Variants in NRXN3 observed in about 807,000 individuals in gnomAD.
NRXN3 encodes the protein neurexin III.
NRXN3 carries 32 observed loss-of-function variants against 137.6 expected under a neutral mutation model. That is an observed-to-expected ratio of 0.23 (90% CI 0.18 to 0.31). NRXN3 has a LOEUF of 0.31. NRXN3 is among the 10% of genes least tolerant of loss of function. The pLI, the probability that NRXN3 is intolerant of heterozygous loss-of-function variation, is 1.00. For missense variants in NRXN3, 1,574 were observed against 2,062.5 expected (o/e 0.76, Z 4.59); for synonymous variants, 798 against 784.5 (o/e 1.02, Z -0.29).
chr14:78,533,154 C>T (rs1265495397), intron 4 of NRXN3, among the ~76,000 whole-genome samples: 3 of 138,092 alleles, frequency 2.2e-5, no homozygotes, highest in South Asian at 4.7e-4. Context: ...GGGTGGAGTG[C>T]AGTGGTGCGA....
chr14:79,783,614 GGA>G (rs2099120632), intron 19 of NRXN3, among the ~76,000 whole-genome samples: 1 of 152,066 alleles, frequency 6.6e-6, no homozygotes, highest in Admixed American at 6.6e-5. Flanking sequence ...CCTTTCGTCT[GGA>G]TGCCACTCAC....
chr14:79,753,091 G>C (rs2099004399), intron 19 of NRXN3, among the ~76,000 whole-genome samples: 1 of 151,284 alleles, frequency 6.6e-6, no homozygotes, highest in Non-Finnish European at 1.5e-5. Flanking sequence ...AGAGGATGTG[G>C]AGAAATAGGA....
In NRXN3 at chr14:78,958,349, T is replaced by TTTTC. The variant is rs1479047444; in HGVS notation, c.2395+1000_2395+1003dup. On this transcript the variant is annotated intron_variant, in intron 11 of 20. Transcript: ENST00000335750. ...TGCCATTTTACATGCTATATCTTTT[T>TTTTC]TTTCTTTCTTTCTTTTTTTTTTTTT... is the stretch of plus-strand genomic sequence containing the variant. 5.3e-5 allele frequency among the ~76,000 whole-genome samples: 8 copies of TTTTC among 151,060 alleles called. No homozygotes were observed. In the East Asian group the frequency reaches 5.8e-4, roughly 11 times the overall value.
In NRXN3 at chr14:79,702,507, T is replaced by TG. The variant is rs1326976588; in HGVS notation, c.4014+4572dup. 9.9e-5 allele frequency among the ~76,000 whole-genome samples: 15 copies of TG among 152,088 alleles called. No homozygotes were observed. In the South Asian group the frequency reaches 3.1e-3, roughly 32 times the overall value. On this transcript the variant is annotated intron_variant, in intron 19 of 20. Coordinates refer to ENST00000335750, the MANE Select transcript of NRXN3 (RefSeq NM_001330195.2). ...ACAGGTGGTGAGAGGAACATATTCC[T>TG]GGTTGGTCAAATGTCAGCCAGAAGC... is the stretch of plus-strand genomic sequence containing the variant.
At chr14:79,691,537 A>G (rs1277605497) in intron 17 of NRXN3, among the ~76,000 whole-genome samples, 1 of 152,078 alleles carries the variant, frequency 6.6e-6, no homozygotes, top group Non-Finnish European at 1.5e-5. Flanking sequence ...CTGGAAAGAT[A>G]GTGATATAAA....
chr14:78,897,737 C>T (rs549000742), intron 10 of NRXN3, among the ~76,000 whole-genome samples: 11 of 152,062 alleles, frequency 7.2e-5, no homozygotes, highest in African/African-American at 2.4e-4. Context: ...TCCTTTCTTG[C>T]ACCTATAAAT....
At chr14:78,965,597 C>T (rs548895498) in intron 11 of NRXN3, among the ~76,000 whole-genome samples, 6 of 152,246 alleles carry the variant, frequency 3.9e-5, no homozygotes, top group South Asian at 2.1e-4. Context: ...ATCCTTCCCA[C>T]GAGTACTAAG....
At chr14:78,710,283 T>C (rs1196932611) in intron 7 of NRXN3, among the ~76,000 whole-genome samples, 1 of 151,974 alleles carries the variant, frequency 6.6e-6, no homozygotes, top group Admixed American at 6.6e-5. Context: ...CCTTTTACAT[T>C]TTGTTTAAAT....
At chr14:79,442,921 T>A (rs560565319) in intron 15 of NRXN3, among the ~76,000 whole-genome samples, 1 of 152,280 alleles carries the variant, frequency 6.6e-6, no homozygotes, top group Non-Finnish European at 1.5e-5. Flanking sequence ...CCCAGTGAAG[T>A]TTAGTGTTTA....
chr14:79,704,127 T>C (rs1465573216), intron 19 of NRXN3, among the ~76,000 whole-genome samples: 1 of 152,176 alleles, frequency 6.6e-6, no homozygotes, highest in Non-Finnish European at 1.5e-5. Flanking sequence ...TTGGCTTTGC[T>C]GAACAGTTAC....
At chr14:78,238,393 C>T (rs973515721) in intron 1 of NRXN3, among the ~76,000 whole-genome samples, 9 of 152,184 alleles carry the variant, frequency 5.9e-5, no homozygotes, top group African/African-American at 2.2e-4. Context: ...CCTGCGTTCT[C>T]CTATGGTTCA....
chr14:79,236,832 T>A (rs1042563765), intron 15 of NRXN3, among the ~76,000 whole-genome samples: 3 of 152,124 alleles, frequency 2.0e-5, no homozygotes, highest in Non-Finnish European at 4.4e-5. Context: ...GGAGGATCAC[T>A]TTAACCTGGG....
intron 4 of NRXN3, among the ~76,000 whole-genome samples, chr14:78,379,731 ATAGTGC>A (rs1235544637): frequency 6.6e-6 from 1 of 152,250 alleles, no homozygotes; most frequent in Admixed American, 6.5e-5. Context: ...TCTTATTCAA[ATAGTGC>A]TAGAAGTTCT....
At chr14:78,423,674 A>G (rs187425715) in intron 4 of NRXN3, among the ~76,000 whole-genome samples, 5 of 152,216 alleles carry the variant, frequency 3.3e-5, no homozygotes, top group Non-Finnish European at 7.3e-5. Context: ...AAAAACATTG[A>G]TAAGTTTACC....
chr14:78,437,887 G>A (rs2094125141), intron 4 of NRXN3, among the ~76,000 whole-genome samples: 1 of 152,108 alleles, frequency 6.6e-6, no homozygotes, highest in Admixed American at 6.5e-5. Context: ...TAGAAGGAGA[G>A]ACCAGGTTTT....
chr14:79,356,123 T>C (rs1189853023), intron 15 of NRXN3, among the ~76,000 whole-genome samples: 1 of 152,212 alleles, frequency 6.6e-6, no homozygotes, highest in African/African-American at 2.4e-5. Context: ...AGAATGTCTT[T>C]TAAAAGACTA....
chr14:78,713,402 A>G (rs6574467), intron 7 of NRXN3, among the ~76,000 whole-genome samples: 148,635 of 152,252 alleles, frequency 0.98, 72,621 homozygotes, highest in Non-Finnish European at 0.99. Context: ...TGCATGGCTG[A>G]ATCCTTCTCA....
chr14:79,837,013 C>T (rs2099345531), intron 20 of NRXN3, among the ~76,000 whole-genome samples: 1 of 152,114 alleles, frequency 6.6e-6, no homozygotes, highest in Non-Finnish European at 1.5e-5. Flanking sequence ...CTGTTAGTAT[C>T]CTACATTATT....
chr14:78,475,584 G>A (rs1404144187), intron 4 of NRXN3, among the ~76,000 whole-genome samples: 1 of 152,184 alleles, frequency 6.6e-6, no homozygotes, highest in Non-Finnish European at 1.5e-5. Flanking sequence ...AGAGTGAAAT[G>A]TAAATAAGAG....
Sources: gnomAD v4.1 joint callset for allele counts (sites outside exome capture counted in the v4.1 genomes callset) on GRCh38, gnomAD v4.1.1 for gene constraint, MANE v1.5 for transcripts, NCBI Gene and HGNC (gene_info 2026-07-23, HGNC 2026-07-21) for gene names.